The following MPHOSPH9 variants were observed in gnomAD, a reference collection of about 807,000 sequenced individuals.
The protein encoded by MPHOSPH9 is M-phase phosphoprotein 9.
A neutral mutation model predicts 145.5 loss-of-function variants in MPHOSPH9; 88 were observed. The ratio of observed to expected loss-of-function variants is 0.60; its 90% confidence interval spans 0.51 to 0.72. MPHOSPH9 has a LOEUF of 0.72. Among genes scored for constraint, MPHOSPH9 ranks in the 30% least tolerant of loss-of-function variants. The probability of loss-of-function intolerance (pLI) is 0.00; values close to 1 mark genes in which losing one functional copy is unlikely to be tolerated. For missense variants in MPHOSPH9, 1,238 were observed against 1,386.6 expected, an observed-to-expected ratio of 0.89 and a Z score of 1.70; for synonymous variants, 435 against 486.2, an observed-to-expected ratio of 0.89 and a Z score of 1.39.
chr12:123,166,562 C>A, intron 17 of MPHOSPH9, 93 bp downstream of exon 17: 3 of 1,407,742 alleles, frequency 2.1e-6, no homozygotes, highest in Admixed American at 2.1e-5. Context: ...CATTAAAGAA[C>A]CAAAGAGAGG....
intron 16 of MPHOSPH9, among the ~76,000 whole-genome samples, chr12:123,168,928 A>C (rs934174746): frequency 8.7e-5 from 13 of 148,802 alleles, no homozygotes; most frequent in Admixed American, 2.7e-4. Context: ...TCTGTCGCCC[A>C]GGCTGGAGTG....
intron 8 of MPHOSPH9, among the ~76,000 whole-genome samples, chr12:123,207,138 A>G (rs1264960140): frequency 1.5e-5 from 2 of 136,258 alleles, no homozygotes; most frequent in Non-Finnish European, 3.1e-5. Context: ...TATAAATTCT[A>G]AAGTGGTTAA....
At chr12:123,229,454 A>G (rs2047554365) in intron 2 of MPHOSPH9, among the ~76,000 whole-genome samples, 1 of 152,238 alleles carries the variant, frequency 6.6e-6, no homozygotes, top group Admixed American at 6.5e-5. Flanking sequence ...AAAATTAATA[A>G]AATGCATAAA....
Position 123,208,236 on chromosome 12 carries a change from C to T in MPHOSPH9, c.1194+1820G>A, listed in dbSNP as rs1192144531. Among the ~76,000 whole-genome samples, 88 of 146,070 alleles carry T rather than the reference C, an allele frequency of 6.0e-4. 1 individual carries two copies. Among genetic ancestry groups the T allele is most frequent in the Non-Finnish European group, 6.0e-5 (4 of 66,220 alleles). Reference sequence around the variant, plus strand: ...TTTTTTTTTAAATGTACCTTTCTTACTCAAAGAAAATCCAGCAAATTGGCC... The same window carrying T: ...TTTTTTTTTAAATGTACCTTTCTTATTCAAAGAAAATCCAGCAAATTGGCC... On this transcript the variant is annotated intron_variant, in intron 8 of 23. Coordinates refer to ENST00000606320, the MANE Select transcript of MPHOSPH9 (RefSeq NM_022782.4).
At chr12:123,193,132 C>T (rs1171425592) in intron 13 of MPHOSPH9, among the ~76,000 whole-genome samples, 1 of 144,790 alleles carries the variant, frequency 6.9e-6, no homozygotes, top group Admixed American at 7.0e-5. Context: ...CACACACACA[C>T]ACACACACAC....
rs2043847787 is a variant in MPHOSPH9, at chr12:123,155,826, C to G, written c.*981G>C. The G allele has an allele frequency of 6.6e-6, 1 of 152,250 alleles. No individual in the cohort carries two copies. Among genetic ancestry groups the G allele is most frequent in the Non-Finnish European group, 1.5e-5 (1 of 68,046 alleles). 9.4% of individuals were successfully genotyped at this position (152,250 alleles called of 1,614,324 possible). A position where few individuals can be genotyped will look rare whatever the true frequency, so the allele number is the denominator to read the frequency against. ...ACCAGGCTCCATCCGGACACACTCC[C>G]TGTCCATTAACAAATACAGTAGATT... On this transcript the variant is annotated 3_prime_UTR_variant, in exon 24 of 24. Transcript: ENST00000606320.
Position 123,202,227 on chromosome 12 carries a change from A to C in MPHOSPH9, c.1874T>G (p.Leu625Arg), listed in dbSNP as rs2046253184. ...ESEINSLKQKLEAKEISGVED... is the reference protein window; with the variant it reads ...ESEINSLKQKREAKEISGVED... The stretch of plus-strand genomic sequence containing the variant: ...AACTCCAGAGATTTCTTTTGCCTCC[A>C]GCTTCTGTTTCAAACTATTTATTTC... The change falls in exon 11 of 24, where the codon CTG becomes CGG. Residue 625 changes from leucine to arginine, a missense_variant. Coordinates refer to ENST00000606320, the MANE Select transcript of MPHOSPH9 (RefSeq NM_022782.4). 1.2e-6 allele frequency: 2 copies of C among 1,613,410 alleles called. No homozygotes were observed. The highest frequency in any genetic ancestry group is 8.5e-7 in the Non-Finnish European group (1 of 1,179,864).
chr12:123,175,190 T>G (rs948429608), intron 16 of MPHOSPH9, among the ~76,000 whole-genome samples: 2 of 151,492 alleles, frequency 1.3e-5, no homozygotes, highest in Non-Finnish European at 1.5e-5. Context: ...TTGCTCTGTC[T>G]CCCAGGCTGG....
At chr12:123,199,756 G>A (rs2046133673) in intron 11 of MPHOSPH9, among the ~76,000 whole-genome samples, 1 of 147,736 alleles carries the variant, frequency 6.8e-6, no homozygotes, top group Non-Finnish European at 1.5e-5. Context: ...CAGCACCACT[G>A]TACTCCAGCC....
intron 8 of MPHOSPH9, among the ~76,000 whole-genome samples, chr12:123,204,271 T>C (rs1274241880): frequency 1.3e-5 from 2 of 149,630 alleles, no homozygotes; most frequent in South Asian, 4.2e-4. Context: ...CATTGCACTT[T>C]AGCCTGCGCA....
At chr12:123,199,215 G>A (rs910474089) in intron 11 of MPHOSPH9, among the ~76,000 whole-genome samples, 1 of 151,908 alleles carries the variant, frequency 6.6e-6, no homozygotes, top group Non-Finnish European at 1.5e-5. Context: ...TCAAACTCCT[G>A]GACTCATGCG....
upstream of MPHOSPH9, among the ~76,000 whole-genome samples, chr12:123,234,679 G>A (rs1031994200): frequency 1.3e-5 from 2 of 152,174 alleles, no homozygotes; most frequent in Admixed American, 6.5e-5. Flanking sequence ...TTACAGGCAT[G>A]AGCCACCACG....
rs745660300 is a variant in MPHOSPH9 at position 123,160,844 on chromosome 12, C to A, written c.3387G>T (p.Glu1129Asp). 6.2e-7 allele frequency: 1 copy of A among 1,613,794 alleles called. No homozygotes were observed. Among genetic ancestry groups the A allele is most frequent in the Non-Finnish European group, 8.5e-7 (1 of 1,179,932 alleles). Residue 1129 changes from glutamate to aspartate, a missense_variant, in exon 23 of 24, where the codon GAG becomes GAT. Around this residue, in one of 3 missense-constraint regions of MPHOSPH9, gnomAD observed 393 missense variants for 462.5 expected, o/e 0.85. Transcript: ENST00000606320. ...GAGAAGGCATCCTGCTTAGTGCTGC[C>A]TCAATCTGTTAACACACGAAAAAAA... is the stretch of plus-strand genomic sequence containing the variant. ...DELTKEKDQIEAALSRMPSPG... is the reference protein window; with the variant it reads ...DELTKEKDQIDAALSRMPSPG...
At chr12:123,216,641 A>G (rs1053450986) in intron 6 of MPHOSPH9, among the ~76,000 whole-genome samples, 2 of 152,034 alleles carry the variant, frequency 1.3e-5, no homozygotes, top group African/African-American at 4.8e-5. Flanking sequence ...ACTTGAAGCC[A>G]GGAGTTTGAG....
chr12:123,195,698 G>C (rs182009245), intron 12 of MPHOSPH9, among the ~76,000 whole-genome samples: 1 of 152,246 alleles, frequency 6.6e-6, no homozygotes, highest in East Asian at 1.9e-4. Flanking sequence ...TGCTAGAAAT[G>C]TAAGATTAAC....
chr12:123,189,647 T>C (rs1197509060), intron 13 of MPHOSPH9, among the ~76,000 whole-genome samples: 1 of 151,906 alleles, frequency 6.6e-6, no homozygotes, highest in East Asian at 1.9e-4. Flanking sequence ...TTAAAGACAG[T>C]ATTAAGGCCG....
chr12:123,178,127 A>AGTGCTTAAGAGATGCTCTT (rs1565914202), intron 15 of MPHOSPH9, among the ~76,000 whole-genome samples: 2 of 151,548 alleles, frequency 1.3e-5, no homozygotes, highest in Non-Finnish European at 2.9e-5. Context: ...CTGCAGCCTC[A>AGTGCTTAAGAGATGCTCTT]AACCCCTGTG....
intron 8 of MPHOSPH9, among the ~76,000 whole-genome samples, chr12:123,205,353 C>T (rs1006088810): frequency 3.3e-5 from 5 of 152,130 alleles, no homozygotes; most frequent in African/African-American, 2.4e-5. Context: ...CGACACCGGC[C>T]TGGCCAATAT....
In MPHOSPH9 at chr12:123,203,241, C is replaced by A. The variant is rs748871838; in HGVS notation, c.1320+9G>T. ...TCACGTTCACTCGGCAGAATGTGGA[C>A]AACTTTACCTCTGGTGGATGATTTG... is the stretch of plus-strand genomic sequence containing the variant. On this transcript the variant is annotated intron_variant, in intron 9 of 23. Transcript: ENST00000606320. 1.2e-6 allele frequency: 2 copies of A among 1,611,236 alleles called. No individual in the cohort carries two copies. The highest frequency in any genetic ancestry group is 4.5e-5 in the East Asian group (2 of 44,876).
Sources: gnomAD v4.1 joint callset for allele counts (sites outside exome capture counted in the v4.1 genomes callset) on GRCh38, gnomAD v4.1.1 for gene constraint, gnomAD v4.1.1 regional missense constraint, MANE v1.5 for transcripts, NCBI Gene and HGNC (gene_info 2026-07-23, HGNC 2026-07-21) for gene names.